Variants in WWTR1 observed in about 807,000 individuals in gnomAD.
WWTR1 encodes the protein WW domain-containing transcription regulator protein 1.
In WWTR1, 13 loss-of-function variants were observed where a neutral mutation model predicts 40.1. The observed-to-expected ratio is 0.32, with a 90% CI of 0.21 to 0.52. The LOEUF (loss-of-function observed/expected upper bound fraction) is 0.52, where lower values mean the gene tolerates loss of function less well. Ranked by LOEUF, WWTR1 falls within the 20% of genes least tolerant of loss-of-function variation. WWTR1 has a pLI of 0.97. For missense variants in WWTR1, 436 were observed against 523.1 expected, an observed-to-expected ratio of 0.83 and a Z score of 1.63; for synonymous variants, 230 against 210.1, an observed-to-expected ratio of 1.09 and a Z score of -0.82.
At chr3:149,630,541 C>T (rs1176450323) in intron 2 of WWTR1, among the ~76,000 whole-genome samples, 2 of 152,142 alleles carry the variant, frequency 1.3e-5, no homozygotes, top group South Asian at 2.1e-4. Flanking sequence ...AGCTCAGTCC[C>T]GCTCAGCTCC....
chr3:149,707,965 T>TAGACCAAAC, upstream of WWTR1, among the ~76,000 whole-genome samples: 1 of 152,038 alleles, frequency 6.6e-6, no homozygotes. Context: ...TAAACTAGAA[T>TAGACCAAAC]TATGGTAATG....
chr3:149,704,053 T>C (rs1018606487), upstream of WWTR1, among the ~76,000 whole-genome samples: 2 of 152,100 alleles, frequency 1.3e-5, no homozygotes, highest in African/African-American at 4.8e-5. Context: ...TCATGGCTCA[T>C]TGCAGCCTTG....
Position 149,657,120 on chromosome 3 carries a change from G to A in WWTR1, c.187C>T (p.Arg63Cys), listed in dbSNP as rs1025385597. ...FKEPDSGSHS[R>C]QSSTDSSGGH... ...CCCGACGAGTCGGTGCTGGACTGGC[G>A]CGAGTGCGAGCCCGAATCAGGCTCC... The change falls in exon 2 of 7, where the codon CGC becomes TGC. Residue 63 changes from arginine to cysteine, a missense_variant. Transcript: ENST00000360632. The A allele has an allele frequency of 1.3e-6, 2 of 1,587,316 alleles. No individual in the cohort carries two copies. The highest frequency in any genetic ancestry group is 1.1e-5 in the South Asian group (1 of 88,170).
chr3:149,713,748 C>G (rs1167570329), intron 5 of WWTR1, among the ~76,000 whole-genome samples: 1 of 152,236 alleles, frequency 6.6e-6, no homozygotes, highest in East Asian at 1.9e-4. Flanking sequence ...ACAGTGATAG[C>G]AGCAGCAGAG....
intron 4 of WWTR1, chr3:149,540,079 T>TACACACACACACACACACACACAC (rs202144589): frequency 1.7e-4 from 46 of 272,118 alleles, no homozygotes; most frequent in East Asian, 5.4e-4. Flanking sequence ...TCCTCCTAAC[T>TACACACACACACACACACACACAC]ACACACACAC....
chr3:149,671,463 G>A (rs1714087393), intron 1 of WWTR1, among the ~76,000 whole-genome samples: 1 of 152,160 alleles, frequency 6.6e-6, no homozygotes, highest in African/African-American at 2.4e-5. Flanking sequence ...AAAAGTTTCT[G>A]CTGGCATATC....
chr3:149,635,397 C>T (rs1711764052), intron 2 of WWTR1, among the ~76,000 whole-genome samples: 1 of 151,830 alleles, frequency 6.6e-6, no homozygotes, highest in Non-Finnish European at 1.5e-5. Flanking sequence ...CTGTGTATAG[C>T]CATGAAATGG....
In WWTR1 at chr3:149,552,329, C is replaced by G. The variant is rs1413828462; in HGVS notation, c.569-9792G>C. 9.2e-5 allele frequency among the ~76,000 whole-genome samples: 10 copies of G among 109,110 alleles called. 1 individual carries two copies. Among genetic ancestry groups the G allele is most frequent in the East Asian group, 2.9e-4 (1 of 3,474 alleles). 71.6% of individuals were successfully genotyped at this position (109,110 alleles called of 152,430 possible). The stretch of plus-strand genomic sequence containing the variant: ...AAATCTGATTAAGGCACAGAGTAGG[C>G]ACTAAATACATTCTCCCCAAAGTAA... On this transcript the variant is annotated intron_variant, in intron 3 of 6. Transcript: ENST00000360632.
rs532104406 is a variant in WWTR1 at position 149,576,281 on chromosome 3, A to G, written c.432-3281T>C. 4.0e-4 allele frequency: 139 copies of G among 351,348 alleles called. 2 individuals are homozygous for G. Among genetic ancestry groups the G allele is most frequent in the Middle Eastern group, 2.1e-3 (2 of 974 alleles). 21.8% of individuals were successfully genotyped at this position (351,348 alleles called of 1,614,324 possible). The stretch of plus-strand genomic sequence containing the variant: ...CTTGATGATTTCATCTGAAAACTAA[A>G]TTCTCCTATTGTTCTAATCACTTAG... On this transcript the variant is annotated intron_variant, in intron 2 of 6. Transcript: ENST00000360632.
At chr3:149,559,465 A>G (rs1216633952) in intron 3 of WWTR1, among the ~76,000 whole-genome samples, 1 of 152,198 alleles carries the variant, frequency 6.6e-6, no homozygotes, top group Non-Finnish European at 1.5e-5. Flanking sequence ...GGATAGATGC[A>G]ACCGTGGCTA....
intron 2 of WWTR1, among the ~76,000 whole-genome samples, chr3:149,605,309 G>GACC (rs1739435309): frequency 6.6e-6 from 1 of 152,180 alleles, no homozygotes; most frequent in Non-Finnish European, 1.5e-5. Flanking sequence ...CCAGGTAGGA[G>GACC]ACCAGTTAGA....
chr3:149,702,740 C>T (rs999485464), intron 1 of WWTR1: 2 of 151,920 alleles, frequency 1.3e-5, no homozygotes, highest in Non-Finnish European at 2.9e-5. Flanking sequence ...GATCAGTTCT[C>T]CTTTGACCAT....
At chr3:149,629,990 A>G (rs1279728906) in intron 2 of WWTR1, among the ~76,000 whole-genome samples, 1 of 151,912 alleles carries the variant, frequency 6.6e-6, no homozygotes, top group Admixed American at 6.6e-5. Flanking sequence ...GGGACTACAG[A>G]CACACACCCT....
chr3:149,705,293 T>C (rs7648316), upstream of WWTR1, among the ~76,000 whole-genome samples: 4 of 152,154 alleles, frequency 2.6e-5, no homozygotes, highest in African/African-American at 9.7e-5. Flanking sequence ...GCCAGATTGA[T>C]AGCGCCCCCA....
At chr3:149,536,406 T>C (rs2107926110) in intron 4 of WWTR1, among the ~76,000 whole-genome samples, 1 of 152,192 alleles carries the variant, frequency 6.6e-6, no homozygotes, top group East Asian at 1.9e-4. Context: ...AGCCTACATT[T>C]ATGCTTCATG....
intron 2 of WWTR1, among the ~76,000 whole-genome samples, chr3:149,610,338 C>T (rs1039582713): frequency 6.6e-6 from 1 of 152,132 alleles, no homozygotes; most frequent in Admixed American, 6.5e-5. Context: ...TACCAATGTA[C>T]AAAACACTCC....
chr3:149,534,353 T>C (rs1427387381), intron 4 of WWTR1, among the ~76,000 whole-genome samples: 2 of 152,110 alleles, frequency 1.3e-5, no homozygotes, highest in African/African-American at 4.8e-5. Context: ...GACCTCAAAT[T>C]GTCAACCCTT....
intron 2 of WWTR1, among the ~76,000 whole-genome samples, chr3:149,666,687 T>C (rs1014533287): frequency 6.6e-6 from 1 of 152,204 alleles, no homozygotes; most frequent in East Asian, 1.9e-4. Context: ...AGAACTATTT[T>C]ACAGATAAGA....
At chr3:149,618,394 G>C (rs956255095) in intron 2 of WWTR1, among the ~76,000 whole-genome samples, 6 of 152,184 alleles carry the variant, frequency 3.9e-5, no homozygotes, top group African/African-American at 1.4e-4. Flanking sequence ...GCATCCATCT[G>C]TGCTGGTCTT....
Sources: gnomAD v4.1 joint callset for allele counts (sites outside exome capture counted in the v4.1 genomes callset) on GRCh38, gnomAD v4.1.1 for gene constraint, MANE v1.5 for transcripts, NCBI Gene and HGNC (gene_info 2026-07-23, HGNC 2026-07-21) for gene names.